Variants in CCSER1 observed in about 807,000 individuals in gnomAD.
CCSER1 encodes the protein coiled-coil serine rich protein 1.
Under a neutral mutation model 82.0 loss-of-function variants are expected in CCSER1, and 41 were observed. The observed-to-expected ratio is 0.50, with a 90% CI of 0.39 to 0.65. CCSER1 has a LOEUF of 0.65. Ranked by LOEUF, CCSER1 falls within the 30% of genes least tolerant of loss-of-function variation. The pLI, the probability that CCSER1 is intolerant of heterozygous loss-of-function variation, is 0.00. For synonymous variants in CCSER1, 414 were observed against 383.9 expected (o/e 1.08, Z -0.92); for missense variants, 1,119 against 1,064.2 (o/e 1.05, Z -0.72).
chr4:90,613,418 A>C (rs1720621203), intron 5 of CCSER1, among the ~76,000 whole-genome samples: 1 of 152,152 alleles, frequency 6.6e-6, no homozygotes, highest in Non-Finnish European at 1.5e-5. Flanking sequence ...GTATCCTTTC[A>C]AGAGGTGGGC....
At chr4:91,586,611 A>C (rs1764007111) in intron 10 of CCSER1, among the ~76,000 whole-genome samples, 2 of 151,808 alleles carry the variant, frequency 1.3e-5, no homozygotes, top group East Asian at 1.9e-4. Context: ...TTTACTTGAC[A>C]ACTTAGAGAT....
chr4:91,028,437 C>G (rs572472601), intron 9 of CCSER1, among the ~76,000 whole-genome samples: 5 of 151,930 alleles, frequency 3.3e-5, no homozygotes, highest in Non-Finnish European at 7.4e-5. Flanking sequence ...TGTTTTACTA[C>G]TGGTGCAAAA....
intron 10 of CCSER1, among the ~76,000 whole-genome samples, chr4:91,570,037 G>C (rs1488018285): frequency 6.6e-6 from 1 of 152,116 alleles, no homozygotes; most frequent in African/African-American, 2.4e-5. Context: ...CCTAAACAAA[G>C]GGACTCCAGG....
chr4:91,169,947 C>T (rs1479478483), intron 10 of CCSER1, among the ~76,000 whole-genome samples: 1 of 152,086 alleles, frequency 6.6e-6, no homozygotes, highest in Non-Finnish European at 1.5e-5. Context: ...TTGGATTTGT[C>T]CCACTGTTGT....
At chr4:91,510,128 A>G (rs776167434) in intron 10 of CCSER1, among the ~76,000 whole-genome samples, 4 of 152,106 alleles carry the variant, frequency 2.6e-5, no homozygotes, top group Non-Finnish European at 5.9e-5. Flanking sequence ...CTGTTCCTGC[A>G]TTATTTCACT....
At chr4:90,956,678 GA>G (rs1733463813) in intron 9 of CCSER1, among the ~76,000 whole-genome samples, 1 of 151,840 alleles carries the variant, frequency 6.6e-6, no homozygotes, top group Admixed American at 6.6e-5. Context: ...GACACTTTAA[GA>G]AGTGCTATGT....
At chr4:91,043,113 A>C (rs58812599) in intron 9 of CCSER1, among the ~76,000 whole-genome samples, 26,659 of 151,994 alleles carry the variant, frequency 0.18, 2,849 homozygotes, top group African/African-American at 0.3. Flanking sequence ...AACTTTAAAA[A>C]CACCAAAACG....
At chr4:90,603,778 T>C (rs1240022975) in intron 5 of CCSER1, among the ~76,000 whole-genome samples, 2 of 152,146 alleles carry the variant, frequency 1.3e-5, no homozygotes, top group African/African-American at 4.8e-5. Flanking sequence ...AGCAGTTGCT[T>C]TCCAGGGAGT....
chr4:90,209,093 CAG>C (rs1407141681), intron 1 of CCSER1, among the ~76,000 whole-genome samples: 1 of 152,180 alleles, frequency 6.6e-6, no homozygotes, highest in Non-Finnish European at 1.5e-5. Flanking sequence ...AGAAGATGCT[CAG>C]AGGCTTACTT....
intron 9 of CCSER1, among the ~76,000 whole-genome samples, chr4:90,942,435 C>A (rs1367783732): frequency 2.0e-5 from 3 of 151,924 alleles, no homozygotes; most frequent in Non-Finnish European, 2.9e-5. Context: ...TGTGTGAAGC[C>A]TTTTTTAAAA....
At chr4:90,550,819 A>T (rs1308680386) in intron 5 of CCSER1, among the ~76,000 whole-genome samples, 2 of 151,988 alleles carry the variant, frequency 1.3e-5, no homozygotes, top group Non-Finnish European at 2.9e-5. Flanking sequence ...ATTAGCAGTA[A>T]GTTGGGGGGA....
chr4:90,377,520 GTAAA>G (rs1748530245), intron 3 of CCSER1, among the ~76,000 whole-genome samples: 3 of 152,128 alleles, frequency 2.0e-5, no homozygotes, highest in African/African-American at 7.2e-5. Flanking sequence ...CCAGCAACAT[GTAAA>G]TACAAAGAAC....
intron 8 of CCSER1, among the ~76,000 whole-genome samples, chr4:90,904,812 A>ACATACCT (rs1362081708): frequency 2.0e-5 from 3 of 152,022 alleles, no homozygotes; most frequent in African/African-American, 7.3e-5. Flanking sequence ...GTGTATCACT[A>ACATACCT]CATACCTGCT....
At chr4:91,445,739 C>T (rs965213806) in intron 10 of CCSER1, among the ~76,000 whole-genome samples, 1 of 152,054 alleles carries the variant, frequency 6.6e-6, no homozygotes, top group African/African-American at 2.4e-5. Context: ...ACATATATTA[C>T]CCCCAAATTT....
At chr4:90,165,524 A>G (rs1403817629) in intron 1 of CCSER1, among the ~76,000 whole-genome samples, 7 of 152,064 alleles carry the variant, frequency 4.6e-5, no homozygotes, top group South Asian at 2.1e-4. Flanking sequence ...TGTTCAACAA[A>G]CATTAAATTG....
At chr4:91,511,135 G>A (rs1033913278) in intron 10 of CCSER1, among the ~76,000 whole-genome samples, 11 of 151,934 alleles carry the variant, frequency 7.2e-5, no homozygotes, top group Non-Finnish European at 1.5e-4. Context: ...AGCGCAGTTG[G>A]TATGTGTGGC....
At chr4:90,854,372 A>G (rs140296440) in intron 8 of CCSER1, among the ~76,000 whole-genome samples, 39 of 152,300 alleles carry the variant, frequency 2.6e-4, no homozygotes, top group African/African-American at 8.9e-4. Flanking sequence ...GTTTCATGCA[A>G]ATTCTAAAAC....
intron 8 of CCSER1, among the ~76,000 whole-genome samples, chr4:90,822,473 A>G (rs1027718434): frequency 3.3e-5 from 5 of 152,290 alleles, no homozygotes; most frequent in Non-Finnish European, 7.4e-5. Flanking sequence ...TCACGCCTGT[A>G]ATCCCAGCAC....
At chr4:90,644,101 C>T (rs1184974244) in intron 6 of CCSER1, among the ~76,000 whole-genome samples, 1 of 152,080 alleles carries the variant, frequency 6.6e-6, no homozygotes, top group Admixed American at 6.6e-5. Context: ...GATTCTTTTG[C>T]TAGTTCACAG....
Sources: gnomAD v4.1 joint callset for allele counts (sites outside exome capture counted in the v4.1 genomes callset) on GRCh38, gnomAD v4.1.1 for gene constraint, MANE v1.5 for transcripts, NCBI Gene and HGNC (gene_info 2026-07-23, HGNC 2026-07-21) for gene names.